The following GC variants were observed in gnomAD, a reference collection of about 807,000 sequenced individuals.
The protein encoded by GC is vitamin D-binding protein.
In GC, 43 loss-of-function variants were observed where a neutral mutation model predicts 56.7. That is an observed-to-expected ratio of 0.76 (90% CI 0.59 to 0.98). The LOEUF (loss-of-function observed/expected upper bound fraction) is 0.98, where lower values mean the gene tolerates loss of function less well. Among genes scored for constraint, GC ranks in the 50% least tolerant of loss-of-function variants. The probability of loss-of-function intolerance (pLI) is 0.00; values close to 1 mark genes in which losing one functional copy is unlikely to be tolerated. For synonymous variants in GC, 216 were observed against 202.7 expected (o/e 1.07, Z -0.56); for missense variants, 529 against 545.9 (o/e 0.97, Z 0.31).
At chr4:71,744,552 T>G (rs1355823674) in intron 12 of GC, among the ~76,000 whole-genome samples, 1 of 151,962 alleles carries the variant, frequency 6.6e-6, no homozygotes. Context: ...CTTACTTACC[T>G]TAGGATATCT....
At chr4:71,756,038 T>C (rs913918688) in intron 8 of GC, among the ~76,000 whole-genome samples, 10 of 152,222 alleles carry the variant, frequency 6.6e-5, no homozygotes, top group Non-Finnish European at 1.5e-4. Context: ...TGAAACAGGA[T>C]AAAAGTTTAC....
chr4:71,768,198 T>G, intron 3 of GC, 103 bp downstream of exon 3: 1 of 838,698 alleles, frequency 1.2e-6, no homozygotes, highest in Non-Finnish European at 1.8e-6. Context: ...AAACTAGGAG[T>G]AAATGGAGTT....
At chr4:71,800,243 C>T (rs1743217583) in intron 1 of GC, among the ~76,000 whole-genome samples, 3 of 152,092 alleles carry the variant, frequency 2.0e-5, no homozygotes, top group South Asian at 4.2e-4. Flanking sequence ...CCTCACCCTC[C>T]CTGGCAGGCC....
At chr4:71,753,530 G>T (rs556248859) in intron 10 of GC, among the ~76,000 whole-genome samples, 17 of 151,438 alleles carry the variant, frequency 1.1e-4, no homozygotes, top group Non-Finnish European at 2.2e-4. Flanking sequence ...TAGGATCTGA[G>T]AAATTTACTA....
chr4:71,780,031 C>G (rs1410303606), intron 1 of GC, among the ~76,000 whole-genome samples: 1 of 151,850 alleles, frequency 6.6e-6, no homozygotes, highest in Admixed American at 6.6e-5. Flanking sequence ...CTCTTATCAA[C>G]TGCAGTGGTT....
intron 8 of GC, among the ~76,000 whole-genome samples, chr4:71,755,956 T>C (rs999193195): frequency 6.6e-6 from 1 of 152,252 alleles, no homozygotes; most frequent in African/African-American, 2.4e-5. Flanking sequence ...GTGAAATATT[T>C]TTATGCCATC....
chr4:71,795,124 T>C (rs993889496), intron 1 of GC, among the ~76,000 whole-genome samples: 4 of 152,196 alleles, frequency 2.6e-5, no homozygotes, highest in Non-Finnish European at 4.4e-5. Flanking sequence ...CTGAGAAGAA[T>C]GTATATTCTG....
intron 1 of GC, among the ~76,000 whole-genome samples, chr4:71,803,185 T>C (rs1004762741): frequency 5.9e-5 from 9 of 152,210 alleles, no homozygotes; most frequent in African/African-American, 1.4e-4. Context: ...CTCTGACTTA[T>C]ATCAGTCAAC....
chr4:71,767,179 A>G (rs1457888276), intron 3 of GC, among the ~76,000 whole-genome samples: 1 of 152,192 alleles, frequency 6.6e-6, no homozygotes, highest in Non-Finnish European at 1.5e-5. Context: ...AAGAATATTC[A>G]TTGTGTAGAA....
intron 1 of GC, among the ~76,000 whole-genome samples, chr4:71,802,979 T>A (rs1743287889): frequency 1.5e-5 from 1 of 67,170 alleles, no homozygotes; most frequent in Non-Finnish European, 4.3e-5. Context: ...AAATTGTAAG[T>A]CAAACCATTA....
At chr4:71,742,789 A>G (rs533785897) in intron 12 of GC, among the ~76,000 whole-genome samples, 9 of 152,304 alleles carry the variant, frequency 5.9e-5, no homozygotes, top group East Asian at 1.9e-4. Flanking sequence ...CCTGGCTAAC[A>G]TGGTGAAACC....
chr4:71,778,923 T>TATTATTA (rs1742589839), intron 1 of GC, among the ~76,000 whole-genome samples: 1 of 140,458 alleles, frequency 7.1e-6, no homozygotes, highest in Non-Finnish European at 1.5e-5. Context: ...TTATTATTAT[T>TATTATTA]GGCTAAATCC....
chr4:71,750,692 C>A (rs1289880271), intron 11 of GC, among the ~76,000 whole-genome samples: 3 of 152,058 alleles, frequency 2.0e-5, no homozygotes, highest in Non-Finnish European at 4.4e-5. Flanking sequence ...CCAGATCAGC[C>A]TGGCCAACAT....
chr4:71,784,625 G>A (rs1285670245), upstream of GC, among the ~76,000 whole-genome samples: 1 of 151,742 alleles, frequency 6.6e-6, no homozygotes. Flanking sequence ...TATTTTAGAT[G>A]ATGGCATAGT....
At chr4:71,797,750 G>T (rs777459324) in intron 1 of GC, among the ~76,000 whole-genome samples, 1 of 152,216 alleles carries the variant, frequency 6.6e-6, no homozygotes, top group African/African-American at 2.4e-5. Context: ...TGTCTTCTGC[G>T]TCAATCACAC....
At chr4:71,799,584 T>C (rs1055163843) in intron 1 of GC, among the ~76,000 whole-genome samples, 16 of 152,156 alleles carry the variant, frequency 1.1e-4, no homozygotes, top group African/African-American at 3.9e-4. Context: ...GGCTGATGGC[T>C]TCCCCCTCCA....
rs1342585058 is a variant in GC, at chr4:71,746,131, C to T, written c.*25+20G>A. The T allele has an allele frequency of 5.6e-6, 5 of 896,152 alleles. No homozygotes were observed. The highest frequency in any genetic ancestry group is 1.8e-5 in the Admixed American group (1 of 55,352). 55.5% of individuals were successfully genotyped at this position (896,152 alleles called of 1,614,324 possible). A position where few individuals can be genotyped will look rare whatever the true frequency, so the allele number is the denominator to read the frequency against. On this transcript the variant is annotated intron_variant, in intron 12 of 12. Transcript: ENST00000273951. ...TACAATGCTGGATCCGTTGGTCCTG[C>T]ATTTATAAAATATACTTACCAAAGT...
intron 1 of GC, among the ~76,000 whole-genome samples, chr4:71,779,674 A>G (rs1462566246): frequency 6.6e-6 from 1 of 151,910 alleles, no homozygotes; most frequent in Non-Finnish European, 1.5e-5. Context: ...CCTGTCCTAA[A>G]TAGATTAAGC....
intron 6 of GC, among the ~76,000 whole-genome samples, chr4:71,760,926 A>C (rs1741950928): frequency 6.6e-6 from 1 of 152,112 alleles, no homozygotes; most frequent in South Asian, 2.1e-4. Context: ...TTCTTTGTAA[A>C]TTGCCCAGTC....
Sources: gnomAD v4.1 joint callset for allele counts (sites outside exome capture counted in the v4.1 genomes callset) on GRCh38, gnomAD v4.1.1 for gene constraint, MANE v1.5 for transcripts, NCBI Gene and HGNC (gene_info 2026-07-23, HGNC 2026-07-21) for gene names.